Variants in CATSPERB observed in about 807,000 individuals in gnomAD.
CATSPERB encodes the protein catsper channel auxiliary subunit beta.
In CATSPERB, 93 loss-of-function variants were observed where a neutral mutation model predicts 128.3. The ratio of observed to expected loss-of-function variants is 0.72; its 90% CI spans 0.61 to 0.86. The LOEUF is 0.86. CATSPERB is among the 40% of genes least tolerant of loss of function. The pLI is 0.00. For synonymous variants in CATSPERB, 381 were observed against 448.8 expected, an observed-to-expected ratio of 0.85 and a Z score of 1.91; for missense variants, 1,153 against 1,329.5, an observed-to-expected ratio of 0.87 and a Z score of 2.06.
At position 91,632,703 on chromosome 14, in the gene CATSPERB, C is replaced by T. The variant is rs563228922; in HGVS notation, c.1742+3722G>A. 3.3e-5 allele frequency among the ~76,000 whole-genome samples: 5 copies of T among 152,098 alleles called. No homozygotes were observed. In the East Asian group the frequency reaches 7.7e-4, roughly 24 times the overall value. On this transcript the variant is annotated intron_variant, in intron 17 of 26. Coordinates refer to ENST00000256343, the MANE Select transcript of CATSPERB (RefSeq NM_024764.4). ...AAGGATACAGAAAATTGCAATATCA[C>T]AAGGAACAGGATTAATCTAACAAAT...
chr14:91,623,046 C>T (rs1181522256), intron 18 of CATSPERB, among the ~76,000 whole-genome samples: 2 of 152,136 alleles, frequency 1.3e-5, no homozygotes, highest in East Asian at 3.8e-4. Flanking sequence ...AGGCACCTGC[C>T]ACCAGGCCCA....
chr14:91,625,815 TCTTACAATC>T (rs1364344437), intron 17 of CATSPERB, among the ~76,000 whole-genome samples: 4 of 152,190 alleles, frequency 2.6e-5, no homozygotes, highest in African/African-American at 9.6e-5. Flanking sequence ...TAGACACAGA[TCTTACAATC>T]ATCACAAAAA....
chr14:91,718,983 C>A (rs962966815), intron 5 of CATSPERB, among the ~76,000 whole-genome samples: 6 of 152,114 alleles, frequency 3.9e-5, no homozygotes, highest in Non-Finnish European at 8.8e-5. Context: ...CTCTTTTCAT[C>A]TAGGTACATA....
At chr14:91,714,277 C>CAAAA (rs35951126) in intron 5 of CATSPERB, among the ~76,000 whole-genome samples, 1 of 111,278 alleles carries the variant, frequency 9.0e-6, no homozygotes, top group Non-Finnish European at 1.8e-5. Context: ...TACAATAAGG[C>CAAAA]AAAAAAAAAA....
chr14:91,702,031 G>A (rs79720095), intron 7 of CATSPERB, among the ~76,000 whole-genome samples: 3,039 of 152,190 alleles, frequency 0.02, 106 homozygotes, highest in African/African-American at 0.068. Context: ...TAAAGAACCT[G>A]TTGCTGAAGT....
chr14:91,639,503 CTA>C (rs1595159049), intron 15 of CATSPERB, among the ~76,000 whole-genome samples: 1 of 152,088 alleles, frequency 6.6e-6, no homozygotes, highest in Non-Finnish European at 1.5e-5. Flanking sequence ...ATTAAGAGAT[CTA>C]GAGGAAAAGC....
intron 4 of CATSPERB, among the ~76,000 whole-genome samples, chr14:91,720,828 G>A (rs1440907558): frequency 6.6e-6 from 1 of 152,156 alleles, no homozygotes. Flanking sequence ...ATTTCAAACT[G>A]TAGTACAAAG....
At chr14:91,719,396 A>G in intron 5 of CATSPERB, 22 bp downstream of exon 5, 1 of 1,552,126 alleles carries the variant, frequency 6.4e-7, no homozygotes, top group Non-Finnish European at 8.8e-7. Context: ...GGGGTAAAAG[A>G]ATTAATTCAG....
At chr14:91,687,741 G>A (rs969335126) in intron 10 of CATSPERB, among the ~76,000 whole-genome samples, 1 of 152,116 alleles carries the variant, frequency 6.6e-6, no homozygotes, top group Non-Finnish European at 1.5e-5. Flanking sequence ...GATCACTTGA[G>A]GTCAGGAGTT....
chr14:91,641,575 T>C (rs1370218560), intron 15 of CATSPERB, among the ~76,000 whole-genome samples: 2 of 149,396 alleles, frequency 1.3e-5, no homozygotes, highest in Non-Finnish European at 3.0e-5. Flanking sequence ...TATATCTCTG[T>C]TTTGGTACCA....
intron 7 of CATSPERB, among the ~76,000 whole-genome samples, chr14:91,700,429 G>A (rs1332890278): frequency 6.6e-6 from 1 of 152,172 alleles, no homozygotes; most frequent in Non-Finnish European, 1.5e-5. Flanking sequence ...CATAGAATGA[G>A]TTAGGGAGGA....
intron 15 of CATSPERB, among the ~76,000 whole-genome samples, chr14:91,644,039 C>CT (rs1232399711): frequency 1.4e-5 from 2 of 138,436 alleles, no homozygotes; most frequent in East Asian, 2.0e-4. Flanking sequence ...CAACCCTTGC[C>CT]TTTTTTTGTT....
chr14:91,716,038 C>T (rs1034165065), intron 5 of CATSPERB, among the ~76,000 whole-genome samples: 1 of 152,074 alleles, frequency 6.6e-6, no homozygotes, highest in African/African-American at 2.4e-5. Flanking sequence ...GCTGTGATAT[C>T]AAAAGTACCA....
chr14:91,609,346 G>A (rs548411314), intron 21 of CATSPERB, among the ~76,000 whole-genome samples: 1 of 152,212 alleles, frequency 6.6e-6, no homozygotes, highest in Admixed American at 6.5e-5. Context: ...ACTTTTTATT[G>A]TGAATTGCAA....
chr14:91,668,624 A>C (rs1285614), intron 14 of CATSPERB, among the ~76,000 whole-genome samples: 28,382 of 151,984 alleles, frequency 0.19, 2,821 homozygotes, highest in South Asian at 0.24. Context: ...GCTGCTGCTC[A>C]CTCGTGGTCC....
In CATSPERB at chr14:91,605,099, C is replaced by A. The variant is rs944113285; in HGVS notation, c.2709+3195G>T. On this transcript the variant is annotated intron_variant, in intron 22 of 26. Transcript: ENST00000256343. ...CTTCTCTGCAGAAGTGGGTTGTTTGCCTTTGGGAGGGGTGGAAGAATCAGG... is the reference window on the plus strand; with the variant it reads ...CTTCTCTGCAGAAGTGGGTTGTTTGACTTTGGGAGGGGTGGAAGAATCAGG... 39 of 1,259,598 alleles carry A rather than the reference C, an allele frequency of 3.1e-5. 1 individual carries two copies. The highest frequency in any genetic ancestry group is 3.6e-5 in the Non-Finnish European group (31 of 859,110). 78.0% of individuals were successfully genotyped at this position (1,259,598 alleles called of 1,614,324 possible).
rs374644890 is a variant in CATSPERB, at chr14:91,580,944, T to C, written c.3296A>G (p.Lys1099Arg). Residue 1099 changes from lysine to arginine, a missense_variant, in exon 27 of 27, where the codon AAG becomes AGG. Transcript: ENST00000256343. ...FQRWIRRNQEKFSSISLSELI... is the reference protein window; with the variant it reads ...FQRWIRRNQERFSSISLSELI... ...CTCACTGAGAGAGATACTTGAAAAC[T>C]TCTCTTGGTTTCTTCTAATCCATCT... 4.1e-5 allele frequency: 66 copies of C among 1,614,126 alleles called. No homozygotes were observed. Among genetic ancestry groups the C allele is most frequent in the African/African-American group, 8.0e-5 (6 of 74,946 alleles).
At chr14:91,694,131 G>C (rs1471426613) in intron 7 of CATSPERB, among the ~76,000 whole-genome samples, 1 of 149,262 alleles carries the variant, frequency 6.7e-6, no homozygotes, top group African/African-American at 2.5e-5. Flanking sequence ...AAAAAAAATT[G>C]TGTGCTTTTT....
chr14:91,669,517 T>C (rs1207531028), intron 14 of CATSPERB, among the ~76,000 whole-genome samples: 2 of 151,868 alleles, frequency 1.3e-5, no homozygotes, highest in African/African-American at 2.4e-5. Flanking sequence ...TTTGATGGGA[T>C]TAGTGGCAAA....
Sources: gnomAD v4.1 joint callset for allele counts (sites outside exome capture counted in the v4.1 genomes callset) on GRCh38, gnomAD v4.1.1 for gene constraint, MANE v1.5 for transcripts, NCBI Gene and HGNC (gene_info 2026-07-23, HGNC 2026-07-21) for gene names.